Variants in BCKDHB observed in about 807,000 individuals in gnomAD.
The protein encoded by BCKDHB is branched chain keto acid dehydrogenase E1 subunit beta, also known as 2-oxoisovalerate dehydrogenase subunit beta, mitochondrial.
A neutral mutation model predicts 48.5 loss-of-function variants in BCKDHB; 41 were observed. That is an observed-to-expected ratio of 0.85 (90% CI 0.66 to 1.10). The LOEUF (loss-of-function observed/expected upper bound fraction) is 1.10, where lower values mean the gene tolerates loss of function less well. Ranked by LOEUF, BCKDHB falls within the 50% of genes least tolerant of loss-of-function variation. The pLI is 0.00. For synonymous variants in BCKDHB, 201 were observed against 174.8 expected, an observed-to-expected ratio of 1.15 and a Z score of -1.18; for missense variants, 496 against 494.2, an observed-to-expected ratio of 1.00 and a Z score of -0.03.
chr6:80,429,620 A>G, the BCKDHB span, among the ~76,000 whole-genome samples: 1 of 152,044 alleles, frequency 6.6e-6, no homozygotes, highest in Non-Finnish European at 1.5e-5. Context: ...TAGGTATTTT[A>G]TTCTCTTAGC....
intron 6 of BCKDHB, among the ~76,000 whole-genome samples, chr6:80,185,575 A>G (rs1478387649): frequency 6.6e-6 from 1 of 152,182 alleles, no homozygotes; most frequent in Non-Finnish European, 1.5e-5. Context: ...ACTGGAACTC[A>G]AGGGCTGCTG....
intron 8 of BCKDHB, among the ~76,000 whole-genome samples, chr6:80,236,735 A>G (rs1376372642): frequency 6.6e-6 from 1 of 152,196 alleles, no homozygotes; most frequent in African/African-American, 2.4e-5. Context: ...GCTCTTAACC[A>G]ATATTCTATG....
At chr6:80,286,717 C>T (rs1372852393) in intron 9 of BCKDHB, among the ~76,000 whole-genome samples, 5 of 152,030 alleles carry the variant, frequency 3.3e-5, no homozygotes, top group Non-Finnish European at 7.4e-5. Flanking sequence ...ACTATGAAAC[C>T]AGCAGTACAG....
chr6:80,289,469 A>C (rs1420169877), intron 9 of BCKDHB, among the ~76,000 whole-genome samples: 3 of 152,130 alleles, frequency 2.0e-5, no homozygotes, highest in African/African-American at 7.2e-5. Flanking sequence ...GAGAGACCAA[A>C]TTTTAGAGTA....
rs35769953 is a variant in BCKDHB at position 80,118,776 on chromosome 6, C to CT, written c.197-8761dup. ...CAATGGATTTCATCTCAAGGATCCA[C>CT]TTTTTTTTTTGAATTCATAGAAAGT... On this transcript the variant is annotated intron_variant, in intron 1 of 9. Coordinates refer to ENST00000320393, the MANE Select transcript of BCKDHB (RefSeq NM_183050.4). Among the ~76,000 whole-genome samples the CT allele has an allele frequency of 1.7e-4, 25 of 150,598 alleles. 1 individual carries two copies. In the South Asian group the frequency reaches 4.0e-3, roughly 24 times the overall value.
Position 80,106,691 on chromosome 6 carries a change from G to T in BCKDHB, c.-3G>T. 1 of 1,554,410 alleles carries T rather than the reference G, an allele frequency of 6.4e-7. No individual in the cohort carries two copies. Among genetic ancestry groups the T allele is most frequent in the East Asian group, 2.4e-5 (1 of 41,304 alleles). On this transcript the variant is annotated 5_prime_UTR_variant, in exon 1 of 10. Coordinates refer to ENST00000320393, the MANE Select transcript of BCKDHB (RefSeq NM_183050.4). ...AGCCTGAGAATCCCGGTGGTGAGCG[G>T]GGATGGCGGTTGTAGCGGCGGCTGC...
At chr6:80,123,856 T>C (rs1306192409) in intron 1 of BCKDHB, among the ~76,000 whole-genome samples, 1 of 152,202 alleles carries the variant, frequency 6.6e-6, no homozygotes, top group African/African-American at 2.4e-5. Flanking sequence ...CCTGGATTCA[T>C]TGATTTTTTT....
At chr6:80,299,548 T>G (rs924898515) in intron 9 of BCKDHB, among the ~76,000 whole-genome samples, 1 of 152,096 alleles carries the variant, frequency 6.6e-6, no homozygotes, top group East Asian at 1.9e-4. Context: ...GAAAGCAAGT[T>G]TATTAAGAAA....
At chr6:80,162,930 C>CT (rs570707378) in intron 3 of BCKDHB, among the ~76,000 whole-genome samples, 19 of 147,862 alleles carry the variant, frequency 1.3e-4, no homozygotes, top group East Asian at 4.0e-4. Flanking sequence ...CTCTCTCTCT[C>CT]TTTTTTTTTT....
the BCKDHB span, among the ~76,000 whole-genome samples, chr6:80,361,790 G>A: frequency 4.6e-5 from 7 of 152,272 alleles, no homozygotes; most frequent in East Asian, 7.7e-4. Context: ...GGATTGTCAC[G>A]TTTCCATCTT....
the BCKDHB span, among the ~76,000 whole-genome samples, chr6:80,362,024 T>C: frequency 6.6e-6 from 1 of 152,170 alleles, no homozygotes; most frequent in African/African-American, 2.4e-5. Context: ...ATACCATCTG[T>C]GTATACCAAC....
chr6:80,171,255 T>C, intron 5 of BCKDHB, 27 bp from the exon 6 acceptor site: 2 of 1,403,042 alleles, frequency 1.4e-6, no homozygotes, highest in Non-Finnish European at 2.0e-6. Context: ...TTTACTAAAA[T>C]TGTCTTAAAA....
intron 8 of BCKDHB, among the ~76,000 whole-genome samples, chr6:80,257,279 TG>T (rs1283904081): frequency 2.0e-5 from 3 of 151,848 alleles, no homozygotes; most frequent in Non-Finnish European, 2.9e-5. Flanking sequence ...AATATCTGTC[TG>T]TCTCTCTTCA....
chr6:80,113,711 A>G (rs1448153595), intron 1 of BCKDHB, among the ~76,000 whole-genome samples: 1 of 152,238 alleles, frequency 6.6e-6, no homozygotes, highest in Non-Finnish European at 1.5e-5. Context: ...AGGCACAAAG[A>G]AAACAAGGAA....
At chr6:80,454,072 C>T in the BCKDHB span, 3 of 152,188 alleles carry the variant, frequency 2.0e-5, no homozygotes, top group African/African-American at 7.2e-5. Context: ...TATGCTCATA[C>T]ACTCTACCTG....
chr6:80,150,502 G>A (rs1771717998), intron 3 of BCKDHB, among the ~76,000 whole-genome samples: 1 of 150,576 alleles, frequency 6.6e-6, no homozygotes. Context: ...AAGCTAATAT[G>A]AGTGACAGTA....
At chr6:80,157,999 A>G (rs1034363774) in intron 3 of BCKDHB, among the ~76,000 whole-genome samples, 18 of 152,198 alleles carry the variant, frequency 1.2e-4, no homozygotes, top group African/African-American at 4.1e-4. Flanking sequence ...TGGGTCTTTT[A>G]AGCTTGTTCA....
chr6:80,153,789 T>A (rs185346846), intron 3 of BCKDHB, among the ~76,000 whole-genome samples: 127 of 152,300 alleles, frequency 8.3e-4, no homozygotes, highest in African/African-American at 2.9e-3. Context: ...TTATCCTGAT[T>A]TTGTGGATGA....
At chr6:80,289,322 T>C (rs750863766) in intron 9 of BCKDHB, among the ~76,000 whole-genome samples, 2 of 152,078 alleles carry the variant, frequency 1.3e-5, no homozygotes, top group Non-Finnish European at 2.9e-5. Flanking sequence ...TCTCCCTTCT[T>C]TGAAATAGTG....
Sources: gnomAD v4.1 joint callset for allele counts (sites outside exome capture counted in the v4.1 genomes callset) on GRCh38, gnomAD v4.1.1 for gene constraint, MANE v1.5 for transcripts, NCBI Gene and HGNC (gene_info 2026-07-23, HGNC 2026-07-21) for gene names.